The following PTPRD variants were observed in gnomAD, a reference collection of about 807,000 sequenced individuals.
PTPRD encodes protein tyrosine phosphatase receptor type D, also known as receptor-type tyrosine-protein phosphatase delta.
Under a neutral mutation model 214.5 loss-of-function variants are expected in PTPRD, and 34 were observed. The ratio of observed to expected loss-of-function variants is 0.16; its 90% CI spans 0.12 to 0.21. The LOEUF is 0.21. PTPRD is among the 10% of genes least tolerant of loss of function. The probability of loss-of-function intolerance (pLI) is 1.00; values close to 1 mark genes in which losing one functional copy is unlikely to be tolerated. For missense variants in PTPRD, 2,545 were observed against 2,398.7 expected (o/e 1.06, Z -1.27); for synonymous variants, 1,128 against 845.7 (o/e 1.33, Z -5.79).
At chr9:10,103,167 T>C (rs539405775) in intron 3 of PTPRD, among the ~76,000 whole-genome samples, 39 of 151,228 alleles carry the variant, frequency 2.6e-4, no homozygotes, top group African/African-American at 8.2e-4. Context: ...CTTGGAATGG[T>C]TTTCAAACAA....
At chr9:8,403,029 G>T (rs1185568232) in intron 36 of PTPRD, among the ~76,000 whole-genome samples, 1 of 152,070 alleles carries the variant, frequency 6.6e-6, no homozygotes, top group Non-Finnish European at 1.5e-5. Flanking sequence ...AGGGCCACAG[G>T]TATAGGATTG....
intron 9 of PTPRD, among the ~76,000 whole-genome samples, chr9:9,347,867 G>A (rs991201720): frequency 5.3e-5 from 8 of 152,160 alleles, no homozygotes; most frequent in African/African-American, 1.9e-4. Context: ...CACTACTGTG[G>A]CACACAGCTC....
At chr9:8,458,695 C>T (rs1297391304) in intron 33 of PTPRD, among the ~76,000 whole-genome samples, 1 of 152,046 alleles carries the variant, frequency 6.6e-6, no homozygotes, top group Non-Finnish European at 1.5e-5. Flanking sequence ...AGGTGTGTAC[C>T]TCATGCTTCC....
chr9:9,481,472 A>G (rs1409023406), intron 8 of PTPRD, among the ~76,000 whole-genome samples: 1 of 152,224 alleles, frequency 6.6e-6, no homozygotes, highest in Non-Finnish European at 1.5e-5. Context: ...CATCAGACAC[A>G]GTAGGTAGGA....
chr9:10,481,674 C>T (rs1330385713), intron 2 of PTPRD, among the ~76,000 whole-genome samples: 2 of 152,088 alleles, frequency 1.3e-5, no homozygotes, highest in African/African-American at 4.8e-5. Flanking sequence ...ATACTCAGCC[C>T]ATAATCATTA....
intron 2 of PTPRD, among the ~76,000 whole-genome samples, chr9:10,477,125 G>A (rs1347674053): frequency 6.6e-6 from 1 of 152,044 alleles, no homozygotes; most frequent in Non-Finnish European, 1.5e-5. Flanking sequence ...AGCCAAAACT[G>A]ACAAATGGAA....
At chr9:8,681,997 A>C (rs1025815685) in intron 12 of PTPRD, among the ~76,000 whole-genome samples, 2 of 152,174 alleles carry the variant, frequency 1.3e-5, no homozygotes, top group African/African-American at 4.8e-5. Flanking sequence ...TTCCCACAAA[A>C]CATGCAAGGA....
rs1188515096 is a variant in PTPRD at position 9,034,072 on chromosome 9, C to T, written c.-142-15337G>A. The stretch of plus-strand genomic sequence containing the variant: ...AGGCTTAAATATTACTCTTTAGCCA[C>T]AGGGAATAGAAGCAAATGGAATTTT... On this transcript the variant is annotated intron_variant, in intron 10 of 45. Transcript: ENST00000381196. 2.0e-5 allele frequency among the ~76,000 whole-genome samples: 3 copies of T among 152,034 alleles called. No homozygotes were observed. In the East Asian group the frequency reaches 5.8e-4, roughly 29 times the overall value.
chr9:8,462,136 A>G (rs1301895705), intron 32 of PTPRD, among the ~76,000 whole-genome samples: 1 of 151,982 alleles, frequency 6.6e-6, no homozygotes, highest in African/African-American at 2.4e-5. Flanking sequence ...ACCCCTACAT[A>G]TATGTTCAAA....
At chr9:10,581,379 C>G (rs1591408268) in intron 2 of PTPRD, among the ~76,000 whole-genome samples, 2 of 152,140 alleles carry the variant, frequency 1.3e-5, no homozygotes, top group South Asian at 4.1e-4. Flanking sequence ...AGGAGACTGA[C>G]AAGTTTATAG....
intron 5 of PTPRD, among the ~76,000 whole-genome samples, chr9:9,797,742 G>C (rs930843253): frequency 2.6e-5 from 4 of 152,054 alleles, no homozygotes; most frequent in African/African-American, 9.7e-5. Context: ...GCTACTCGGG[G>C]GGGGCTGAGG....
chr9:8,432,586 T>A (rs2095127227), intron 35 of PTPRD, among the ~76,000 whole-genome samples: 1 of 152,218 alleles, frequency 6.6e-6, no homozygotes, highest in Non-Finnish European at 1.5e-5. Flanking sequence ...GCCAAAATAA[T>A]CAGGTGTTTG....
At chr9:10,495,703 T>A (rs1370260544) in intron 2 of PTPRD, among the ~76,000 whole-genome samples, 1 of 151,806 alleles carries the variant, frequency 6.6e-6, no homozygotes, top group Non-Finnish European at 1.5e-5. Context: ...AGAGACTGTA[T>A]GAAACATTGT....
intron 2 of PTPRD, among the ~76,000 whole-genome samples, chr9:10,563,236 T>G (rs1019549785): frequency 1.3e-5 from 2 of 152,192 alleles, no homozygotes; most frequent in Admixed American, 1.3e-4. Context: ...CTCTTCCTTA[T>G]GATTTGTTAA....
intron 2 of PTPRD, among the ~76,000 whole-genome samples, chr9:10,377,842 C>T (rs1484211518): frequency 1.3e-5 from 2 of 152,014 alleles, no homozygotes; most frequent in Non-Finnish European, 2.9e-5. Context: ...TCAATTTTGG[C>T]TACTGTGAAC....
chr9:8,720,048 G>A (rs551122070), intron 12 of PTPRD, among the ~76,000 whole-genome samples: 5 of 152,232 alleles, frequency 3.3e-5, no homozygotes, highest in South Asian at 2.1e-4. Context: ...ATGGCTTAAG[G>A]CAAAGATTTC....
chr9:10,143,687 A>C (rs2099003107), intron 3 of PTPRD, among the ~76,000 whole-genome samples: 1 of 152,144 alleles, frequency 6.6e-6, no homozygotes, highest in Non-Finnish European at 1.5e-5. Context: ...TGCATAAAGA[A>C]AATGTGGTAC....
intron 14 of PTPRD, among the ~76,000 whole-genome samples, chr9:8,542,984 T>TTAA (rs1257663497): frequency 6.6e-6 from 1 of 152,140 alleles, no homozygotes; most frequent in Non-Finnish European, 1.5e-5. Context: ...ATTCACAAAA[T>TTAA]ATTAGAGTAT....
At chr9:10,375,660 A>G (rs923340193) in intron 2 of PTPRD, among the ~76,000 whole-genome samples, 2 of 151,982 alleles carry the variant, frequency 1.3e-5, no homozygotes, top group Admixed American at 1.3e-4. Context: ...ATATTTTATC[A>G]CCATAATCCC....
Sources: allele counts gnomAD v4.1 joint callset (sites outside exome capture counted in the v4.1 genomes callset), GRCh38; gene constraint gnomAD v4.1.1; transcripts MANE v1.5; gene names NCBI Gene and HGNC (gene_info 2026-07-23, HGNC 2026-07-21).